IGFLR1: variants seen among roughly 807,000 people sequenced by gnomAD.
IGFLR1 encodes IGF-like family receptor 1.
Under a neutral mutation model 23.4 loss-of-function variants are expected in IGFLR1, and 17 were observed. The ratio of observed to expected loss-of-function variants is 0.73; its 90% confidence interval spans 0.50 to 1.09. IGFLR1 has a LOEUF of 1.09. Among genes scored for constraint, IGFLR1 ranks in the 50% least tolerant of loss-of-function variants. The pLI, the probability that IGFLR1 is intolerant of heterozygous loss-of-function variation, is 0.00. For missense variants in IGFLR1, 556 were observed against 459.2 expected (o/e 1.21, Z -1.93); for synonymous variants, 265 against 210.7 (o/e 1.26, Z -2.23).
At position 35,741,131 on chromosome 19, in the gene IGFLR1, G is replaced by A. The variant is rs1484043520; in HGVS notation, c.50C>T (p.Ala17Val). The change falls in exon 2 of 5, where the codon GCG (alanine) becomes GTG (valine). Residue 17 changes from alanine (A) to valine (V), a missense_variant. Physicochemically the swap from Ala to Val is moderately conservative, Grantham distance 64. Transcript: ENST00000246532. ...LLTALLLLAL[A>V]PPPEASQYCG... ...GTACTGGGAGGCTTCCGGCGGTGGC[G>A]CCAGGGCCAGAAGCAACAAGGCCGT... 3.7e-6 allele frequency: 6 copies of A among 1,600,236 alleles called. No homozygotes were observed. The African/African-American group carries it at 5.4e-5, about 14-fold the overall frequency.
Position 35,740,020 on chromosome 19 carries a change from C to T in IGFLR1, c.411G>A (p.Glu137=). ...CAATGGAACTTGCTGGTGAGCTGCG[C>T]TCCTGGGAGCTAGGGGCGCCTGGGT... The part of the protein sequence containing the change: ...PGNPGAPSSQ[E]RSSPASSIAW... Residue 137 remains glutamate (E), a synonymous_variant, in exon 4 of 5, where the codon GAG becomes GAA. Coordinates refer to ENST00000246532, the MANE Select transcript of IGFLR1 (RefSeq NM_024660.4). The T allele has an allele frequency of 1.2e-6, 2 of 1,613,986 alleles. No homozygotes were observed. Among genetic ancestry groups the T allele is most frequent in the Non-Finnish European group, 1.7e-6 (2 of 1,179,956 alleles).
chr19:35,739,239 G>A lies in IGFLR1; in HGVS notation c.*41C>T. 1.4e-6 allele frequency: 2 copies of A among 1,465,512 alleles called. No homozygotes were observed. The highest frequency in any genetic ancestry group is 1.8e-6 in the Non-Finnish European group (2 of 1,090,978). The allele number at this position is 1,465,512 out of a possible 1,614,324, so 90.8% of individuals were successfully genotyped here. A position where few individuals can be genotyped will look rare whatever the true frequency, so the allele number is the denominator to read the frequency against. On this transcript the variant is annotated 3_prime_UTR_variant, in exon 5 of 5. Coordinates refer to ENST00000246532, the MANE Select transcript of IGFLR1 (RefSeq NM_024660.4). Reference sequence around the variant, plus strand: ...TTCAAGAAGTACTTCAGTGCTAATTGTATACTGGGCTTAGTAGTCAGCAAA... The same window carrying A: ...TTCAAGAAGTACTTCAGTGCTAATTATATACTGGGCTTAGTAGTCAGCAAA...
intron 2 of IGFLR1, 40 bp from the exon 3 acceptor site, chr19:35,740,604 G>C: frequency 6.4e-7 from 1 of 1,553,888 alleles, no homozygotes; most frequent in Non-Finnish European, 8.7e-7. Flanking sequence ...CGCCTAGCCC[G>C]CCCCTGCGCG....
intron 1 of IGFLR1, among the ~76,000 whole-genome samples, chr19:35,741,787 G>A (rs917105646): frequency 6.6e-6 from 1 of 151,764 alleles, no homozygotes; most frequent in Non-Finnish European, 1.5e-5. Context: ...ACCAGCCTGG[G>A]CAACACAGCA....
Position 35,738,960 on chromosome 19 carries a change from TTCA to T in IGFLR1, c.*317_*319del, listed in dbSNP as rs1970030705. On this transcript the variant is annotated 3_prime_UTR_variant, in exon 5 of 5. Transcript: ENST00000246532. The surrounding 1 kb of genome is among the most constrained non-coding windows in gnomAD (Gnocchi z 8.7). The stretch of plus-strand genomic sequence containing the variant: ...ACCCACCCATCATGACCCAAGGAAG[TTCA>T]TCAGCCTCAACAGGTAGGTGAGGCC... The T allele has an allele frequency of 2.2e-6, 1 of 447,152 alleles. No homozygotes were observed. Among genetic ancestry groups the T allele is most frequent in the African/African-American group, 2.0e-5 (1 of 50,580 alleles). 27.7% of individuals were successfully genotyped at this position (447,152 alleles called of 1,614,324 possible). A position where few individuals can be genotyped will look rare whatever the true frequency, so the allele number is the denominator to read the frequency against.
intron 1 of IGFLR1, chr19:35,741,672 AAAAAAAAAACAGCAAAGCACTT>A (rs1348562376): frequency 1.3e-5 from 2 of 157,840 alleles, no homozygotes; most frequent in African/African-American, 4.9e-5. Flanking sequence ...AAAAAAAAAA[AAAAAAAAAACAGCAAAGCACTT>A]TGCCAAGTGC....
chr19:35,740,647 G>T, intron 2 of IGFLR1, 83 bp from the exon 3 acceptor site: 1 of 1,325,458 alleles, frequency 7.5e-7, no homozygotes, highest in Non-Finnish European at 1.0e-6. Flanking sequence ...CTATCCCAGC[G>T]TGCCCCGCCC....
At position 35,739,111 on chromosome 19, in the gene IGFLR1, T is replaced by C; in HGVS notation, c.*169A>G. 1 of 670,786 alleles carries C rather than the reference T, an allele frequency of 1.5e-6. No homozygotes were observed. 41.6% of individuals were successfully genotyped at this position (670,786 alleles called of 1,614,324 possible). Reference sequence around the variant, plus strand: ...TCTGGTGGCCCAGAGGCACCTGGGGTCAGCCCTCCCACATGTGGCCCTGTG... The same window carrying C: ...TCTGGTGGCCCAGAGGCACCTGGGGCCAGCCCTCCCACATGTGGCCCTGTG... On this transcript the variant is annotated 3_prime_UTR_variant, in exon 5 of 5. Transcript: ENST00000246532.
rs1332226078 is a variant in IGFLR1, at chr19:35,739,528, C to G, written c.820G>C (p.Gly274Arg). 4 of 1,614,010 alleles carry G rather than the reference C, an allele frequency of 2.5e-6. No individual in the cohort carries two copies. The highest frequency in any genetic ancestry group is 4.5e-5 in the East Asian group (2 of 44,898). Residue 274 changes from glycine (G) to arginine (R), a missense_variant, in exon 5 of 5, where the codon GGT becomes CGT. Coordinates refer to ENST00000246532, the MANE Select transcript of IGFLR1 (RefSeq NM_024660.4). The stretch of plus-strand genomic sequence containing the variant: ...GTAGTGCCATGGGCCATACCCCCAC[C>G]TGGCCCAGGCTCAGGGTCCAGCAGT... ...IVLLDPEPGP[G>R]GGMAHGTTRH...
In IGFLR1 at chr19:35,739,242, T is replaced by C. The variant is rs1970050450; in HGVS notation, c.*38A>G. 5.4e-6 allele frequency: 8 copies of C among 1,479,128 alleles called. No homozygotes were observed. The East Asian group carries it at 1.9e-4, about 36-fold the overall frequency. 91.6% of individuals were successfully genotyped at this position (1,479,128 alleles called of 1,614,324 possible). Reference sequence around the variant, plus strand: ...AAGAAGTACTTCAGTGCTAATTGTATACTGGGCTTAGTAGTCAGCAAAGTT... The same window carrying C: ...AAGAAGTACTTCAGTGCTAATTGTACACTGGGCTTAGTAGTCAGCAAAGTT... On this transcript the variant is annotated 3_prime_UTR_variant, in exon 5 of 5. Transcript: ENST00000246532.
Position 35,739,272 on chromosome 19 carries a change from A to G in IGFLR1, c.*8T>C, listed in dbSNP as rs1970052991. The G allele has an allele frequency of 1.3e-6, 2 of 1,561,000 alleles. No individual in the cohort carries two copies. Among genetic ancestry groups the G allele is most frequent in the Non-Finnish European group, 1.7e-6 (2 of 1,148,736 alleles). Reference sequence around the variant, plus strand: ...GGCTTAGTAGTCAGCAAAGTTCTTTATTGGGTGTTAAGCCCAGCAAACCCC... The same window carrying G: ...GGCTTAGTAGTCAGCAAAGTTCTTTGTTGGGTGTTAAGCCCAGCAAACCCC... On this transcript the variant is annotated 3_prime_UTR_variant, in exon 5 of 5. Coordinates refer to ENST00000246532, the MANE Select transcript of IGFLR1 (RefSeq NM_024660.4).
At chr19:35,742,141 A>T (rs1227161013) in intron 1 of IGFLR1, among the ~76,000 whole-genome samples, 4 of 152,214 alleles carry the variant, frequency 2.6e-5, no homozygotes, top group Non-Finnish European at 5.9e-5. Flanking sequence ...TGCTGAAAAC[A>T]GCACCTCACA....
Position 35,738,980 on chromosome 19 carries a change from G to A in IGFLR1, c.*300C>T, listed in dbSNP as rs1445817967. 8.5e-6 allele frequency: 4 copies of A among 469,026 alleles called. No homozygotes were observed. The highest frequency in any genetic ancestry group is 3.8e-5 in the East Asian group (1 of 26,588). 29.1% of individuals were successfully genotyped at this position (469,026 alleles called of 1,614,324 possible). On this transcript the variant is annotated 3_prime_UTR_variant, in exon 5 of 5. Coordinates refer to ENST00000246532, the MANE Select transcript of IGFLR1 (RefSeq NM_024660.4). The surrounding 1 kb of genome is among the most constrained non-coding windows in gnomAD (Gnocchi z 8.7). ...GGAAGTTCATCAGCCTCAACAGGTA[G>A]GTGAGGCCATCATTCAGAATTAGAA... is the stretch of plus-strand genomic sequence containing the variant.
chr19:35,741,006 T>G lies in IGFLR1; in HGVS notation c.157+18A>C, dbSNP rs560761690. ...CCTGCAAGCTCCGCCCAAGCAAGGC[T>G]CGGTCTCGGATTCTCACCCGGGCAG... On this transcript the variant is annotated intron_variant, in intron 2 of 4. Transcript: ENST00000246532. The G allele has an allele frequency of 6.2e-7, 1 of 1,610,160 alleles. No individual in the cohort carries two copies. The highest frequency in any genetic ancestry group is 1.7e-5 in the Admixed American group (1 of 59,656).
chr19:35,741,368 C>CT (rs1970224609), intron 1 of IGFLR1, 145 bp from the exon 2 acceptor site: 1 of 745,020 alleles, frequency 1.3e-6, no homozygotes, highest in Non-Finnish European at 2.2e-6. Flanking sequence ...CACAAGGCCA[C>CT]TAGGGGACTA....
chr19:35,739,631 A>G lies in IGFLR1; in HGVS notation c.722-5T>C. Reference sequence around the variant, plus strand: ...GTGACGCCAGACTGGACAGTTCTGGAAGAAAGGGGAAGGGTAAAGGTGCGG... The same window carrying G: ...GTGACGCCAGACTGGACAGTTCTGGGAGAAAGGGGAAGGGTAAAGGTGCGG... On this transcript the variant is annotated splice_region_variant and splice_polypyrimidine_tract_variant and intron_variant, in intron 4 of 4. Transcript: ENST00000246532. 1 of 1,605,458 alleles carries G rather than the reference A, an allele frequency of 6.2e-7. No homozygotes were observed. Among genetic ancestry groups the G allele is most frequent in the Non-Finnish European group, 8.5e-7 (1 of 1,173,574 alleles).
chr19:35,741,398 T>C (rs1315872593), intron 1 of IGFLR1, 175 bp from the exon 2 acceptor site: 1 of 618,050 alleles, frequency 1.6e-6, no homozygotes, highest in Admixed American at 2.9e-5. Flanking sequence ...CGGATCTAGA[T>C]TGCAAGAATG....
rs944075206 is a variant in IGFLR1 at position 35,738,914 on chromosome 19, G to A, written c.*366C>T. ...TCCCATTTGTAGGCTGTGGGGGCAG[G>A]TAGGAACCCCACTTCTACACACCCA... On this transcript the variant is annotated 3_prime_UTR_variant, in exon 5 of 5. Coordinates refer to ENST00000246532, the MANE Select transcript of IGFLR1 (RefSeq NM_024660.4). The surrounding 1 kb of genome is among the most constrained non-coding windows in gnomAD (Gnocchi z 8.7). 4.4e-6 allele frequency: 2 copies of A among 452,838 alleles called. No individual in the cohort carries two copies. The highest frequency in any genetic ancestry group is 3.9e-5 in the African/African-American group (2 of 50,828). 28.1% of individuals were successfully genotyped at this position (452,838 alleles called of 1,614,324 possible).
intron 1 of IGFLR1, among the ~76,000 whole-genome samples, chr19:35,741,968 G>A (rs1277177842): frequency 6.6e-6 from 1 of 152,064 alleles, no homozygotes; most frequent in African/African-American, 2.4e-5. Context: ...AAAATTAGCC[G>A]GGCGTGGTAG....
Sources: gnomAD v4.1 joint callset for allele counts (sites outside exome capture counted in the v4.1 genomes callset) on GRCh38, gnomAD v4.1.1 for gene constraint, Gnocchi (gnomAD v3.1) non-coding constraint, MANE v1.5 for transcripts, NCBI Gene and HGNC (gene_info 2026-07-23, HGNC 2026-07-21) for gene names.